Variants in RSPH10B2 observed in about 807,000 individuals in gnomAD.
The protein encoded by RSPH10B2 is radial spoke head 10 homolog B2.
Under a neutral mutation model 49.0 loss-of-function variants are expected in RSPH10B2, and 9 were observed. The ratio of observed to expected loss-of-function variants is 0.18; its 90% CI spans 0.11 to 0.32. RSPH10B2 has a LOEUF of 0.32. Among genes scored for constraint, RSPH10B2 ranks in the 10% least tolerant of loss-of-function variants. The pLI is 1.00. For synonymous variants in RSPH10B2, 35 were observed against 210.2 expected, an observed-to-expected ratio of 0.17 and a Z score of 7.21; for missense variants, 95 against 589.9, an observed-to-expected ratio of 0.16 and a Z score of 8.69.
chr7:6,770,971 GAC>G (rs988962323), intron 7 of RSPH10B2, among the ~76,000 whole-genome samples: 2 of 81,668 alleles, frequency 2.4e-5, no homozygotes, highest in Non-Finnish European at 4.2e-5. Context: ...AGTTTAATAA[GAC>G]ACATTCTGTG....
chr7:6,769,871 C>T (rs941224981), intron 7 of RSPH10B2, among the ~76,000 whole-genome samples: 50 of 62,086 alleles, frequency 8.1e-4, no homozygotes, highest in Middle Eastern at 7.0e-3. Flanking sequence ...AGGCATGAGC[C>T]ACTATGCTTG....
At chr7:6,768,503 C>T (rs1341853266) in intron 6 of RSPH10B2, 87 bp from the exon 9 acceptor site, 2 of 149,690 alleles carry the variant, frequency 1.3e-5, no homozygotes, top group East Asian at 4.1e-4. Context: ...TTCCAGTTTT[C>T]ATTGTATTTA....
chr7:6,764,087 A>AAGC (rs1467962052), exon 4 of RSPH10B2: 4 of 1,238,132 alleles, frequency 3.2e-6, no homozygotes, highest in Admixed American at 2.0e-5. Flanking sequence ...GTGCAATGGC[A>AAGC]AGCGGCACGG....
At chr7:6,769,693 A>G (rs1167517039) in intron 7 of RSPH10B2, among the ~76,000 whole-genome samples, 2 of 111,048 alleles carry the variant, frequency 1.8e-5, no homozygotes, top group African/African-American at 3.9e-5. Context: ...GGCACAAGTG[A>G]TTCTTGTGCC....
intron 1 of RSPH10B2, among the ~76,000 whole-genome samples, chr7:6,758,879 A>T (rs1370240367): frequency 7.3e-6 from 1 of 136,134 alleles, no homozygotes; most frequent in Non-Finnish European, 1.6e-5. Flanking sequence ...AAACAAAAAA[A>T]CCCCGAAATG....
In RSPH10B2 at chr7:6,758,535, T is replaced by C. The variant is rs1781158438; in HGVS notation, c.255-549T>C. Among the ~76,000 whole-genome samples the C allele has an allele frequency of 2.4e-5, 3 of 126,104 alleles. No homozygotes were observed. The Admixed American group carries it at 2.4e-4, about 10-fold the overall frequency. The allele number at this position is 126,104 out of a possible 152,430, so 82.7% of individuals were successfully genotyped here. On this transcript the variant is annotated intron_variant, in intron 1 of 18. Coordinates refer to ENST00000297186, the Ensembl canonical transcript of RSPH10B2. Reference sequence around the variant, plus strand: ...GGCATTAAGTACGTTCATAGTGTTGTACGACCGTCTATTAAATAGTAACTC... The same window carrying C: ...GGCATTAAGTACGTTCATAGTGTTGCACGACCGTCTATTAAATAGTAACTC...
chr7:6,765,820 T>A, intron 5 of RSPH10B2, 29 bp downstream of exon 7: 2 of 1,565,094 alleles, frequency 1.3e-6, no homozygotes, highest in Non-Finnish European at 1.7e-6. Context: ...GCGCTTGGGG[T>A]GTAGATGAAG....
At chr7:6,756,055 TC>T (rs1476643680), upstream of RSPH10B2, among the ~76,000 whole-genome samples, 1 of 150,202 alleles carries the variant, frequency 6.7e-6, no homozygotes, top group Non-Finnish European at 1.5e-5. Context: ...GATCACGAGG[TC>T]AGGAGATCGA....
At chr7:6,758,969 A>T (rs199717429) in intron 1 of RSPH10B2, 115 bp from the exon 4 acceptor site, 54,136 of 353,790 alleles carry the variant, frequency 0.15, 1,047 homozygotes, top group African/African-American at 0.16. Flanking sequence ...ATATATATAT[A>T]TTTTTTTTTT....
chr7:6,780,267 T>C (rs1781882770), intron 11 of RSPH10B2, among the ~76,000 whole-genome samples: 1 of 124,388 alleles, frequency 8.0e-6, no homozygotes, highest in African/African-American at 2.9e-5. Context: ...CAAATATCTC[T>C]CGGGGTTTCT....
rs370031354 is a variant in RSPH10B2 at position 6,780,580 on chromosome 7, T to C, written c.1530-229T>C. Among the ~76,000 whole-genome samples, 809 of 107,704 alleles carry C rather than the reference T, an allele frequency of 7.5e-3. 33 individuals are homozygous for C. The highest frequency in any genetic ancestry group is 0.042 in the Middle Eastern group (9 of 216). The allele number at this position is 107,704 out of a possible 152,430, so 70.7% of individuals were successfully genotyped here. A position where few individuals can be genotyped will look rare whatever the true frequency, so the allele number is the denominator to read the frequency against. On this transcript the variant is annotated intron_variant, in intron 11 of 18. Transcript: ENST00000297186. Reference sequence around the variant, plus strand: ...TTGTATTTTTAGTGGAGATGGGGTTTCACCATGTTGGCCAGGCTGGTCTTA... The same window carrying C: ...TTGTATTTTTAGTGGAGATGGGGTTCCACCATGTTGGCCAGGCTGGTCTTA...
At chr7:6,757,893 A>G in exon 1 of RSPH10B2, 2 of 1,573,678 alleles carry the variant, frequency 1.3e-6, no homozygotes, top group South Asian at 2.3e-5. Flanking sequence ...ATGCCAGCCA[A>G]TACGAAGAGT....
At chr7:6,768,213 C>T (rs1325484103) in intron 6 of RSPH10B2, among the ~76,000 whole-genome samples, 3 of 152,100 alleles carry the variant, frequency 2.0e-5, no homozygotes, top group African/African-American at 7.2e-5. Context: ...GCAAATAAAC[C>T]CCAACATTTA....
intron 16 of RSPH10B2, among the ~76,000 whole-genome samples, chr7:6,791,055 T>C (rs577745301): frequency 6.9e-4 from 93 of 135,444 alleles, no homozygotes; most frequent in African/African-American, 2.5e-3. Context: ...AGTGCAGTGG[T>C]GCGATCTTGG....
chr7:6,781,667 G>C lies in RSPH10B2; in HGVS notation c.1758+191G>C, dbSNP rs1404526716. The C allele has an allele frequency of 6.1e-6, 4 of 652,658 alleles. No individual in the cohort carries two copies. The African/African-American group carries it at 7.2e-5, about 12-fold the overall frequency. The allele number at this position is 652,658 out of a possible 1,614,324, so 40.4% of individuals were successfully genotyped here. The stretch of plus-strand genomic sequence containing the variant: ...TGTGGTCGTGGAAGGAACAGAAACA[G>C]CTGTCACCTGCCCAATATGCTAACA... On this transcript the variant is annotated intron_variant, in intron 13 of 18. Transcript: ENST00000297186.
chr7:6,758,823 C>T (rs1224135413), intron 1 of RSPH10B2, among the ~76,000 whole-genome samples: 8 of 130,718 alleles, frequency 6.1e-5, no homozygotes, highest in Non-Finnish European at 8.3e-5. Flanking sequence ...CCATCCAGCC[C>T]GGGCGACAGA....
At chr7:6,797,289 G>A (rs996376538) in intron 18 of RSPH10B2, among the ~76,000 whole-genome samples, 11 of 145,224 alleles carry the variant, frequency 7.6e-5, no homozygotes, top group Non-Finnish European at 1.7e-4. Context: ...GGTCACAGGG[G>A]TGAGTCACTG....
chr7:6,764,288 A>G (rs1781369868), intron 4 of RSPH10B2, among the ~76,000 whole-genome samples, 187 bp downstream of exon 6: 1 of 145,686 alleles, frequency 6.9e-6, no homozygotes, highest in Admixed American at 6.8e-5. Context: ...GGTAGGGGCT[A>G]GCGGCGCTGT....
chr7:6,791,293 C>T (rs1412599991), intron 16 of RSPH10B2, among the ~76,000 whole-genome samples: 2 of 132,888 alleles, frequency 1.5e-5, no homozygotes, highest in African/African-American at 6.1e-5. Context: ...TGAGCCACCA[C>T]GCCTAGCCGG....
Sources: gnomAD v4.1 joint callset for allele counts (sites outside exome capture counted in the v4.1 genomes callset) on GRCh38, gnomAD v4.1.1 for gene constraint, MANE v1.5 for transcripts, NCBI Gene and HGNC (gene_info 2026-07-23, HGNC 2026-07-21) for gene names.